PCDHGB1: variants seen among roughly 807,000 people sequenced by gnomAD.
The protein encoded by PCDHGB1 is protocadherin gamma subfamily B, 1.
Under a neutral mutation model 56.6 loss-of-function variants are expected in PCDHGB1, and 34 were observed. The ratio of observed to expected loss-of-function variants is 0.60; its 90% CI spans 0.46 to 0.80. The LOEUF (loss-of-function observed/expected upper bound fraction) is 0.80. Among genes scored for constraint, PCDHGB1 ranks in the 30% least tolerant of loss-of-function variants. PCDHGB1 has a pLI of 0.00. For missense variants in PCDHGB1, 1,278 were observed against 1,204.6 expected, an observed-to-expected ratio of 1.06 and a Z score of -0.90; for synonymous variants, 561 against 505.9, an observed-to-expected ratio of 1.11 and a Z score of -1.46.
In PCDHGB1 at chr5:141,487,472, G is replaced by A. The variant is rs2099645737; in HGVS notation, c.2410-7335G>A. The A allele has an allele frequency of 2.5e-6, 4 of 1,614,178 alleles. No individual in the cohort carries two copies. Among genetic ancestry groups the A allele is most frequent in the Non-Finnish European group, 3.4e-6 (4 of 1,180,036 alleles). Reference sequence around the variant, plus strand: ...CCCTATCAAGTTTGTTGATGTGGGAGGCCACTCTCATGGCTGTACACCCTT... The same window carrying A: ...CCCTATCAAGTTTGTTGATGTGGGAAGCCACTCTCATGGCTGTACACCCTT... On this transcript the variant is annotated intron_variant, in intron 1 of 3. Coordinates refer to ENST00000523390, the MANE Select transcript of PCDHGB1 (RefSeq NM_018922.3). This position sits in a 1 kb window ranked among gnomAD's most constrained non-coding sequence, Gnocchi z 5.0.
At chr5:141,464,480 A>T (rs1013894368) in intron 1 of PCDHGB1, among the ~76,000 whole-genome samples, 4 of 151,864 alleles carry the variant, frequency 2.6e-5, no homozygotes, top group African/African-American at 7.3e-5. Flanking sequence ...CGTATAATAA[A>T]TTCCTAATAG....
chr5:141,451,745 G>T (rs562443882), intron 1 of PCDHGB1, among the ~76,000 whole-genome samples: 36 of 152,242 alleles, frequency 2.4e-4, no homozygotes, highest in Middle Eastern at 3.4e-3. Context: ...AGCTGGTCTG[G>T]TGGTGCATGC....
chr5:141,364,541 A>T (rs753562113), intron 1 of PCDHGB1: 3 of 1,614,130 alleles, frequency 1.9e-6, no homozygotes, highest in Middle Eastern at 1.7e-4. Context: ...CTCCAGAGGT[A>T]GGACGCAGCT....
intron 1 of PCDHGB1, chr5:141,409,822 C>A (rs983633484): frequency 6.2e-6 from 10 of 1,610,868 alleles, no homozygotes; most frequent in Non-Finnish European, 6.8e-6. Flanking sequence ...ACGGCTCGCC[C>A]ACGCTCAGCG....
chr5:141,386,918 A>G (rs758924740), intron 1 of PCDHGB1, among the ~76,000 whole-genome samples: 8 of 152,206 alleles, frequency 5.3e-5, no homozygotes, highest in Non-Finnish European at 1.2e-4. Context: ...CAAGGAATGT[A>G]AAATAAGTGC....
Position 141,485,684 on chromosome 5 carries a change from A to T in PCDHGB1, c.2410-9123A>T, listed in dbSNP as rs746176226. On this transcript the variant is annotated intron_variant, in intron 1 of 3. Transcript: ENST00000523390. The surrounding 1 kb of genome is among the most constrained non-coding windows in gnomAD (Gnocchi z 5.7). ...GGGGAGCAATTCGATTAGCAGCTAT[A>T]GGCTGAGCTCCAATGAACACTTTGC... 1 of 1,614,056 alleles carries T rather than the reference A, an allele frequency of 6.2e-7. No homozygotes were observed. The highest frequency in any genetic ancestry group is 1.1e-5 in the South Asian group (1 of 91,082).
chr5:141,379,052 T>A (rs1247302234), intron 1 of PCDHGB1: 1 of 152,238 alleles, frequency 6.6e-6, no homozygotes. Flanking sequence ...TATTATAGAA[T>A]GGATTGGCCA....
In PCDHGB1 at chr5:141,491,244, T is replaced by G. The variant is rs754328211; in HGVS notation, c.2410-3563T>G. The G allele has an allele frequency of 6.2e-6, 10 of 1,614,092 alleles. No homozygotes were observed. The South Asian group carries it at 1.1e-4, about 18-fold the overall frequency. ...CCACAGTGCTGCTGGTTCTGGAGGA[T>G]GAGGACCCTGAGGAAATGCCCAAAT... On this transcript the variant is annotated intron_variant, in intron 1 of 3. Transcript: ENST00000523390. This position sits in a 1 kb window ranked among gnomAD's most constrained non-coding sequence, Gnocchi z 6.9.
Position 141,491,103 on chromosome 5 carries a change from G to T in PCDHGB1, c.2410-3704G>T, listed in dbSNP as rs1190609518. The T allele has an allele frequency of 6.2e-7, 1 of 1,614,162 alleles. No individual in the cohort carries two copies. ...CCACAGCCCCAGGACTGTTCCTCGT[G>T]TCTACACACACTGGTGAGGTGCGCA... On this transcript the variant is annotated intron_variant, in intron 1 of 3. Coordinates refer to ENST00000523390, the MANE Select transcript of PCDHGB1 (RefSeq NM_018922.3). The surrounding 1 kb of genome is among the most constrained non-coding windows in gnomAD (Gnocchi z 6.9).
chr5:141,361,562 C>T, intron 1 of PCDHGB1: 3 of 1,614,074 alleles, frequency 1.9e-6, no homozygotes, highest in Non-Finnish European at 2.5e-6. Flanking sequence ...CAAATCAGTG[C>T]CTCTGACCCT....
intron 1 of PCDHGB1, among the ~76,000 whole-genome samples, chr5:141,449,520 C>T (rs1384869748): frequency 1.4e-5 from 2 of 144,104 alleles, no homozygotes; most frequent in Non-Finnish European, 1.5e-5. Context: ...ACCTGGGAGG[C>T]GGAGGTTGCA....
intron 3 of PCDHGB1, among the ~76,000 whole-genome samples, chr5:141,510,214 A>G (rs1047332886): frequency 6.6e-6 from 1 of 151,406 alleles, no homozygotes; most frequent in Non-Finnish European, 1.5e-5. Context: ...CAGAGGTTGC[A>G]GTGAGCCGGG....
intron 1 of PCDHGB1, among the ~76,000 whole-genome samples, chr5:141,425,133 A>T (rs1311425564): frequency 6.6e-6 from 1 of 152,200 alleles, no homozygotes; most frequent in Non-Finnish European, 1.5e-5. Flanking sequence ...GTCAAGAAAA[A>T]TGTTCAGGTA....
intron 1 of PCDHGB1, chr5:141,408,972 CT>C (rs1404896464): frequency 6.2e-7 from 1 of 1,613,870 alleles, no homozygotes; most frequent in Middle Eastern, 1.6e-4. Flanking sequence ...AATCTGCCCC[CT>C]GGGTCCCCTG....
At chr5:141,415,185 C>T (rs375113497) in intron 1 of PCDHGB1, 2 of 1,613,978 alleles carry the variant, frequency 1.2e-6, no homozygotes, top group Non-Finnish European at 8.5e-7. Flanking sequence ...CCGTGGCCGA[C>T]AGCATCCCCC....
At chr5:141,506,240 G>A (rs918820495) in intron 3 of PCDHGB1, among the ~76,000 whole-genome samples, 8 of 152,184 alleles carry the variant, frequency 5.3e-5, no homozygotes, top group Middle Eastern at 3.4e-3. Flanking sequence ...CATGAGGTCA[G>A]GAGTTCGAAA....
chr5:141,399,421 A>G lies in PCDHGB1; in HGVS notation c.2409+46752A>G, dbSNP rs1444290267. On this transcript the variant is annotated intron_variant, in intron 1 of 3. Coordinates refer to ENST00000523390, the MANE Select transcript of PCDHGB1 (RefSeq NM_018922.3). ...GGGCAAGCCGCCCCTCTCCTCCAGCATAAGCGTCATCCTACATATCAGAGA... is the reference window on the plus strand; with the variant it reads ...GGGCAAGCCGCCCCTCTCCTCCAGCGTAAGCGTCATCCTACATATCAGAGA... 1.2e-6 allele frequency: 2 copies of G among 1,614,036 alleles called. No homozygotes were observed. Among genetic ancestry groups the G allele is most frequent in the Middle Eastern group, 1.6e-4 (1 of 6,062 alleles).
chr5:141,457,023 A>G (rs1339517071), intron 1 of PCDHGB1, among the ~76,000 whole-genome samples: 1 of 152,228 alleles, frequency 6.6e-6, no homozygotes, highest in Non-Finnish European at 1.5e-5. Flanking sequence ...AAAAAGTCCT[A>G]GTAGACTCAG....
At position 141,385,168 on chromosome 5, in the gene PCDHGB1, G is replaced by T. The variant is rs376175214; in HGVS notation, c.2409+32499G>T. On this transcript the variant is annotated intron_variant, in intron 1 of 3. Transcript: ENST00000523390. ...TTTCCTGCAGACCTATTCCCATGAG[G>T]TCTCCCTCACCGCGGACTCTCGGAA... 1.5e-5 allele frequency: 24 copies of T among 1,614,100 alleles called. No individual in the cohort carries two copies. Among genetic ancestry groups the T allele is most frequent in the Non-Finnish European group, 2.0e-5 (24 of 1,180,058 alleles).
Sources: gnomAD v4.1 joint callset for allele counts (sites outside exome capture counted in the v4.1 genomes callset) on GRCh38, gnomAD v4.1.1 for gene constraint, Gnocchi (gnomAD v3.1) non-coding constraint, MANE v1.5 for transcripts, NCBI Gene and HGNC (gene_info 2026-07-23, HGNC 2026-07-21) for gene names.